The following DLGAP1 variants were observed in gnomAD, a reference collection of about 807,000 sequenced individuals.
The protein encoded by DLGAP1 is DLG associated protein 1.
In DLGAP1, 11 loss-of-function variants were observed where a neutral mutation model predicts 90.8. That is an observed-to-expected ratio of 0.12 (90% CI 0.08 to 0.20). The LOEUF is 0.20. Among genes scored for constraint, DLGAP1 ranks in the 10% least tolerant of loss-of-function variants. DLGAP1 has a pLI of 1.00. For missense variants in DLGAP1, 1,050 were observed against 1,333.8 expected (o/e 0.79, Z 3.31); for synonymous variants, 558 against 540.7 (o/e 1.03, Z -0.44).
intron 11 of DLGAP1, among the ~76,000 whole-genome samples, chr18:3,506,513 C>CAA (rs11316330): frequency 5.6e-3 from 388 of 69,574 alleles, no homozygotes; most frequent in Non-Finnish European, 6.6e-3. Flanking sequence ...GACTCCGTCT[C>CAA]AAAAAAAAAA....
At chr18:3,883,541 G>A (rs2071234805) in intron 3 of DLGAP1, among the ~76,000 whole-genome samples, 2 of 152,226 alleles carry the variant, frequency 1.3e-5, no homozygotes, top group Non-Finnish European at 2.9e-5. Context: ...TAGGGACTAT[G>A]TTTCACCCAC....
At chr18:3,823,155 A>C (rs886843945) in intron 4 of DLGAP1, among the ~76,000 whole-genome samples, 1 of 152,180 alleles carries the variant, frequency 6.6e-6, no homozygotes, top group Admixed American at 6.5e-5. Context: ...TTCGAGGTCC[A>C]TGTATTTCAG....
intron 7 of DLGAP1, among the ~76,000 whole-genome samples, chr18:3,617,688 TGGTTGC>T (rs2057926947): frequency 6.6e-6 from 1 of 151,706 alleles, no homozygotes; most frequent in Non-Finnish European, 1.5e-5. Flanking sequence ...GCTCCATGCA[TGGTTGC>T]CACAAACCCT....
rs373064640 is a variant in DLGAP1, at chr18:4,095,688, G to A, written c.-159+55492C>T. ...CTGCATCATGATGGTGACAGGGTGT[G>A]TCTGTGGAATTTGACATCAACCTTC... is the stretch of plus-strand genomic sequence containing the variant. On this transcript the variant is annotated intron_variant, in intron 2 of 12. Transcript: ENST00000315677. Among the ~76,000 whole-genome samples the A allele has an allele frequency of 1.7e-3, 263 of 152,060 alleles. 2 individuals carry two copies. In the South Asian group the frequency reaches 0.027, roughly 16 times the overall value.
intron 1 of DLGAP1, among the ~76,000 whole-genome samples, chr18:4,334,163 G>A (rs770736832): frequency 2.0e-5 from 3 of 151,528 alleles, no homozygotes; most frequent in Admixed American, 6.6e-5. Context: ...GCTTGAACCC[G>A]GGAGGCAGAG....
chr18:3,827,731 T>G (rs2148528452), intron 4 of DLGAP1, among the ~76,000 whole-genome samples: 1 of 152,356 alleles, frequency 6.6e-6, no homozygotes, highest in East Asian at 1.9e-4. Context: ...CCTTTTGGCA[T>G]GCCACACACT....
At chr18:4,239,892 TCCACATTGAATCCATTAGGA>T (rs1356697930) in intron 1 of DLGAP1, among the ~76,000 whole-genome samples, 2 of 152,208 alleles carry the variant, frequency 1.3e-5, no homozygotes, top group East Asian at 3.9e-4. Context: ...AGTCTGCAAA[TCCACATTGAATCCATTAGGA>T]CCTACTTAAT....
intron 3 of DLGAP1, among the ~76,000 whole-genome samples, chr18:3,972,520 CTCTT>C (rs905469839): frequency 4.6e-5 from 7 of 151,484 alleles, no homozygotes; most frequent in Non-Finnish European, 4.4e-5. Context: ...CTCTCTCTCT[CTCTT>C]TCTTTCTTTC....
At chr18:3,756,046 C>G (rs1352307383) in intron 5 of DLGAP1, among the ~76,000 whole-genome samples, 3 of 151,890 alleles carry the variant, frequency 2.0e-5, no homozygotes, top group African/African-American at 7.3e-5. Context: ...AGAAATTACA[C>G]TAAACATTAT....
intron 5 of DLGAP1, among the ~76,000 whole-genome samples, chr18:3,795,562 C>T (rs2065951661): frequency 6.6e-6 from 1 of 152,216 alleles, no homozygotes; most frequent in African/African-American, 2.4e-5. Flanking sequence ...GATCTGCCCA[C>T]CTTGGCCTCC....
intron 10 of DLGAP1, among the ~76,000 whole-genome samples, chr18:3,519,259 A>T (rs1482225997): frequency 6.6e-6 from 1 of 152,154 alleles, no homozygotes; most frequent in East Asian, 1.9e-4. Flanking sequence ...AGGTACAGAG[A>T]TGATGGCAGA....
chr18:3,752,640 C>G (rs1230858508), intron 5 of DLGAP1, among the ~76,000 whole-genome samples: 1 of 144,298 alleles, frequency 6.9e-6, no homozygotes, highest in African/African-American at 2.6e-5. Flanking sequence ...CCACCCCCCT[C>G]TCTCTCTCTC....
intron 2 of DLGAP1, among the ~76,000 whole-genome samples, chr18:4,008,844 G>GAAA: frequency 6.6e-6 from 1 of 152,214 alleles, no homozygotes; most frequent in East Asian, 1.9e-4. Context: ...AGAAGAAGAA[G>GAAA]AAATGCTGCT....
At chr18:4,041,640 AC>A (rs1375888680) in intron 2 of DLGAP1, among the ~76,000 whole-genome samples, 1 of 152,168 alleles carries the variant, frequency 6.6e-6, no homozygotes, top group Non-Finnish European at 1.5e-5. Flanking sequence ...TTCCACTCAT[AC>A]AACTTTCCTT....
At chr18:4,064,305 C>A (rs938574114) in intron 2 of DLGAP1, among the ~76,000 whole-genome samples, 2 of 151,822 alleles carry the variant, frequency 1.3e-5, no homozygotes, top group Non-Finnish European at 2.9e-5. Flanking sequence ...ACTGAAGGGA[C>A]CCCTCTTCTC....
chr18:3,538,366 CA>C (rs758854859), intron 9 of DLGAP1, among the ~76,000 whole-genome samples: 1 of 134,034 alleles, frequency 7.5e-6, no homozygotes, highest in Non-Finnish European at 1.5e-5. Context: ...TCTTAACTCT[CA>C]AATGAGCCAA....
At chr18:3,918,914 G>C (rs980943557) in intron 3 of DLGAP1, among the ~76,000 whole-genome samples, 3 of 152,066 alleles carry the variant, frequency 2.0e-5, no homozygotes, top group African/African-American at 7.2e-5. Context: ...GCGTAGCTTA[G>C]GAACCTGTAC....
In DLGAP1 at chr18:3,521,842, C is replaced by T. The variant is rs116530508; in HGVS notation, c.2479+12352G>A. On this transcript the variant is annotated intron_variant, in intron 10 of 12. Transcript: ENST00000315677. ...GAGTTATTTACAGATTCTATATCAA[C>T]CAGAAAAACAAACTACCTGTGATAT... Among the ~76,000 whole-genome samples, 515 of 152,302 alleles carry T rather than the reference C, an allele frequency of 3.4e-3. 3 individuals carry two copies. Among genetic ancestry groups the T allele is most frequent in the African/African-American group, 0.012 (490 of 41,554 alleles).
chr18:3,822,022 C>CATA, intron 4 of DLGAP1: 2 of 697,530 alleles, frequency 2.9e-6, no homozygotes, highest in African/African-American at 3.3e-5. Context: ...ATAGCAAAAA[C>CATA]AGAAAAAAAA....
Sources: gnomAD v4.1 joint callset for allele counts (sites outside exome capture counted in the v4.1 genomes callset) on GRCh38, gnomAD v4.1.1 for gene constraint, MANE v1.5 for transcripts, NCBI Gene and HGNC (gene_info 2026-07-23, HGNC 2026-07-21) for gene names.